CHRNA6: variants seen among roughly 807,000 people sequenced by gnomAD.
CHRNA6 encodes cholinergic receptor nicotinic alpha 6 subunit.
Under a neutral mutation model 40.9 loss-of-function variants are expected in CHRNA6, and 31 were observed. That is an observed-to-expected ratio of 0.76 (90% CI 0.57 to 1.02). CHRNA6 has a LOEUF of 1.02. Among genes scored for constraint, CHRNA6 ranks in the 50% least tolerant of loss-of-function variants. The probability of loss-of-function intolerance (pLI) is 0.00; values close to 1 mark genes in which losing one functional copy is unlikely to be tolerated. For missense variants in CHRNA6, 546 were observed against 596.6 expected, an observed-to-expected ratio of 0.92 and a Z score of 0.88; for synonymous variants, 222 against 221.3, an observed-to-expected ratio of 1.00 and a Z score of -0.03.
chr8:42,755,875 T>C lies in CHRNA6; in HGVS notation c.1324A>G (p.Asn442Asp), dbSNP rs1309062249. The change falls in exon 5 of 6, where the codon AAC (asparagine) becomes GAC (aspartate). Residue 442 changes from asparagine (N) to aspartate (D), a missense_variant. Around this residue, in one of 3 missense-constraint regions of CHRNA6, gnomAD observed 65 missense variants for 83.8 expected, o/e 0.78. Coordinates refer to ENST00000276410, the MANE Select transcript of CHRNA6 (RefSeq NM_004198.3). Reference sequence around the variant, plus strand: ...TTGGTTTCATTGTGGCTCTTCATGTTTTCTGCTATGAACTGAACACTGTTA... The same window carrying C: ...TTGGTTTCATTGTGGCTCTTCATGTCTTCTGCTATGAACTGAACACTGTTA... Reference protein sequence around the residue: ...VINSVQFIAENMKSHNETKEV... With the variant: ...VINSVQFIAEDMKSHNETKEV... 6.2e-7 allele frequency: 1 copy of C among 1,613,938 alleles called. No individual in the cohort carries two copies. The highest frequency in any genetic ancestry group is 8.5e-7 in the Non-Finnish European group (1 of 1,179,998).
chr8:42,763,143 T>C (rs2196128), intron 2 of CHRNA6, among the ~76,000 whole-genome samples: 53,795 of 152,028 alleles, frequency 0.35, 12,639 homozygotes, highest in African/African-American at 0.67. Flanking sequence ...TCTTGAACCA[T>C]GAAGCAACAC....
In CHRNA6 at chr8:42,756,105, G is replaced by A. The variant is rs771821259; in HGVS notation, c.1094C>T (p.Thr365Ile). The change falls in exon 5 of 6, where the codon ACA (threonine) becomes ATA (isoleucine). Residue 365 changes from threonine to isoleucine, a missense_variant. Around this residue, in one of 3 missense-constraint regions of CHRNA6, gnomAD observed 476 missense variants for 494.5 expected, o/e 0.96. Transcript: ENST00000276410. The part of the protein sequence containing the change: ...MRWPLDKTRG[T>I]GSDAVPRGLA... The stretch of plus-strand genomic sequence containing the variant: ...GCCTCTGGGCACTGCATCAGAGCCT[G>A]TGCCCCTTGTCTTGTCCAGAGGCCA... The A allele has an allele frequency of 4.3e-6, 7 of 1,614,152 alleles. No homozygotes were observed. The East Asian group carries it at 1.3e-4, about 31-fold the overall frequency.
At chr8:42,760,446 G>C (rs945254131) in intron 2 of CHRNA6, among the ~76,000 whole-genome samples, 9 of 145,008 alleles carry the variant, frequency 6.2e-5, no homozygotes, top group African/African-American at 2.2e-4. Context: ...ACTCGTACGT[G>C]TGCACTCACA....
chr8:42,759,027 C>T (rs372340529), intron 3 of CHRNA6, 42 bp downstream of exon 3: 8 of 1,491,202 alleles, frequency 5.4e-6, no homozygotes, highest in African/African-American at 1.4e-5. Flanking sequence ...TGGGTTTTAT[C>T]CATTCAACAT....
intron 2 of CHRNA6, 54 bp from the exon 3 acceptor site, chr8:42,759,167 G>C: frequency 6.5e-6 from 9 of 1,377,898 alleles, no homozygotes; most frequent in Non-Finnish European, 9.3e-6. Flanking sequence ...ATAGAGGTGA[G>C]ACTTAGAGCA....
In CHRNA6 at chr8:42,756,939, A is replaced by T; in HGVS notation, c.363T>A (p.Val121=). 1 of 1,613,704 alleles carries T rather than the reference A, an allele frequency of 6.2e-7. No individual in the cohort carries two copies. The highest frequency in any genetic ancestry group is 8.5e-7 in the Non-Finnish European group (1 of 1,179,566). The part of the protein sequence containing the change: ...PADKIWKPDI[V]LYNNAVGDFQ... ...TCAGAGACCCATACTTGTTATAGAG[A>T]ACAATGTCGGGCTTCCAAATCTTAT... The change falls in exon 4 of 6, where the codon GTT becomes GTA. Residue 121 remains valine (V), a synonymous_variant. Coordinates refer to ENST00000276410, the MANE Select transcript of CHRNA6 (RefSeq NM_004198.3).
chr8:42,767,471 C>CCTATGTTAG (rs1277587695), intron 1 of CHRNA6, among the ~76,000 whole-genome samples: 3 of 151,998 alleles, frequency 2.0e-5, no homozygotes, highest in Non-Finnish European at 4.4e-5. Context: ...TGATATCTAA[C>CCTATGTTAG]ATAGGACTCC....
chr8:42,760,374 A>G (rs1308198514), intron 2 of CHRNA6, among the ~76,000 whole-genome samples: 1 of 151,036 alleles, frequency 6.6e-6, no homozygotes, highest in Non-Finnish European at 1.5e-5. Context: ...ATGCAAACTC[A>G]TATACCCACT....
chr8:42,766,623 C>G (rs1816980040), intron 1 of CHRNA6, among the ~76,000 whole-genome samples: 2 of 152,320 alleles, frequency 1.3e-5, no homozygotes, highest in Non-Finnish European at 2.9e-5. Context: ...TTATCCTCAG[C>G]AAACTAACAC....
intron 2 of CHRNA6, among the ~76,000 whole-genome samples, chr8:42,764,182 G>T (rs1816941249): frequency 6.6e-6 from 1 of 152,114 alleles, no homozygotes. Context: ...CAATGGGGGG[G>T]CGCAAAGATT....
At chr8:42,767,110 G>T (rs1372774349) in intron 1 of CHRNA6, among the ~76,000 whole-genome samples, 1 of 152,182 alleles carries the variant, frequency 6.6e-6, no homozygotes, top group Non-Finnish European at 1.5e-5. Flanking sequence ...TGGGACTACA[G>T]GTGACTGCCA....
intron 3 of CHRNA6, among the ~76,000 whole-genome samples, chr8:42,757,810 G>C (rs1432957126): frequency 6.6e-6 from 1 of 150,586 alleles, no homozygotes; most frequent in Non-Finnish European, 1.5e-5. Context: ...GAGGCGTGCA[G>C]ATCACGATGT....
Position 42,756,420 on chromosome 8 carries a change from A to G in CHRNA6, c.779T>C (p.Leu260Ser), listed in dbSNP as rs760963856. 1 of 1,614,266 alleles carries G rather than the reference A, an allele frequency of 6.2e-7. No homozygotes were observed. The highest frequency in any genetic ancestry group is 1.7e-5 in the Admixed American group (1 of 60,026). ...ACAGTCCGAAGGAAGGTAAAAGACC[A>G]ACACGGTTAGAAATGAAATAAAGAG... Reference protein sequence around the residue: ...PCLFISFLTVLVFYLPSDCGE... With the variant: ...PCLFISFLTVSVFYLPSDCGE... The change falls in exon 5 of 6, where the codon TTG (leucine) becomes TCG (serine). Residue 260 changes from leucine (L) to serine (S), a missense_variant. Physicochemically the swap from Leu to Ser is moderately radical, Grantham distance 145. This residue lies in a region of CHRNA6 where 476 missense variants were observed against 494.5 expected (regional missense o/e 0.96). Coordinates refer to ENST00000276410, the MANE Select transcript of CHRNA6 (RefSeq NM_004198.3).
intron 3 of CHRNA6, among the ~76,000 whole-genome samples, chr8:42,757,902 G>A (rs943188115): frequency 1.3e-5 from 2 of 151,750 alleles, no homozygotes; most frequent in Non-Finnish European, 2.9e-5. Context: ...GGGCGTGGTG[G>A]CGGGCCCCTG....
At chr8:42,757,491 G>GA (rs1428173194) in intron 3 of CHRNA6, among the ~76,000 whole-genome samples, 83 of 151,842 alleles carry the variant, frequency 5.5e-4, no homozygotes, top group African/African-American at 2.0e-3. Flanking sequence ...TTGGGAGGCC[G>GA]AGGTGAGCGG....
intron 3 of CHRNA6, among the ~76,000 whole-genome samples, chr8:42,757,789 G>C (rs568052178): frequency 2.2e-4 from 32 of 145,590 alleles, no homozygotes; most frequent in Non-Finnish European, 3.0e-5. Context: ...ATCCCAGCAC[G>C]TTGGGAGGCC....
At chr8:42,764,594 T>G (rs1282245494) in intron 2 of CHRNA6, among the ~76,000 whole-genome samples, 1 of 152,202 alleles carries the variant, frequency 6.6e-6, no homozygotes, top group Non-Finnish European at 1.5e-5. Context: ...CCCAAAGTGC[T>G]GGGATTACAG....
At position 42,756,798 on chromosome 8, in the gene CHRNA6, C is replaced by T. The variant is rs755513435; in HGVS notation, c.401G>A (p.Gly134Asp). The T allele has an allele frequency of 6.2e-7, 1 of 1,607,298 alleles. No individual in the cohort carries two copies. Residue 134 changes from glycine (G) to aspartate (D), a missense_variant, in exon 5 of 6, where the codon GGC (glycine) becomes GAC (aspartate). Physicochemically the swap from Gly to Asp is moderately conservative, Grantham distance 94. Transcript: ENST00000276410. ...NNAVGDFQVE[G>D]KTKALLKYNG... The stretch of plus-strand genomic sequence containing the variant: ...GTATTTAAGAAGAGCTTTTGTTTTG[C>T]CTTCTACTTGGAAGTCACCAACAGC...
At chr8:42,763,133 T>C (rs927793808) in intron 2 of CHRNA6, among the ~76,000 whole-genome samples, 1 of 152,164 alleles carries the variant, frequency 6.6e-6, no homozygotes, top group Non-Finnish European at 1.5e-5. Context: ...ACAGCAGTTA[T>C]CTTGAACCAT....
Sources: gnomAD v4.1 joint callset for allele counts (sites outside exome capture counted in the v4.1 genomes callset) on GRCh38, gnomAD v4.1.1 for gene constraint, gnomAD v4.1.1 regional missense constraint, MANE v1.5 for transcripts, NCBI Gene and HGNC (gene_info 2026-07-23, HGNC 2026-07-21) for gene names.